The following DAP variants were observed in gnomAD, a reference collection of about 807,000 sequenced individuals.
DAP encodes death associated protein, also known as death-associated protein 1.
A neutral mutation model predicts 13.8 loss-of-function variants in DAP; 8 were observed. The ratio of observed to expected loss-of-function variants is 0.58; its 90% confidence interval spans 0.34 to 1.05. The LOEUF is 1.05. Ranked by LOEUF, DAP falls within the 50% of genes least tolerant of loss-of-function variation. DAP has a pLI of 0.03. For missense variants in DAP, 106 were observed against 133.2 expected (o/e 0.80, Z 1.01); for synonymous variants, 47 against 47.5 (o/e 0.99, Z 0.04).
In DAP at chr5:10,689,322, C is replaced by T. The variant is rs575240567; in HGVS notation, c.153-5751G>A. ...CTGTCCCATCGCAACTGCTGAATGGCCATGGAGACCCTGGGGGCTAAAGGA... is the reference window on the plus strand; with the variant it reads ...CTGTCCCATCGCAACTGCTGAATGGTCATGGAGACCCTGGGGGCTAAAGGA... On this transcript the variant is annotated intron_variant, in intron 2 of 3. Transcript: ENST00000230895. Among the ~76,000 whole-genome samples the T allele has an allele frequency of 2.0e-4, 30 of 152,230 alleles. 1 individual carries two copies. In the South Asian group the frequency reaches 5.0e-3, roughly 25 times the overall value.
intron 2 of DAP, among the ~76,000 whole-genome samples, chr5:10,696,276 C>A (rs1477941791): frequency 6.6e-6 from 1 of 152,170 alleles, no homozygotes; most frequent in Non-Finnish European, 1.5e-5. Flanking sequence ...ACAGAAGCGA[C>A]CACATCTGAG....
chr5:10,758,885 C>A (rs1320526974), intron 1 of DAP, among the ~76,000 whole-genome samples: 1 of 152,198 alleles, frequency 6.6e-6, no homozygotes, highest in African/African-American at 2.4e-5. Context: ...GAATTTCTCC[C>A]AGGGAGTGAG....
At chr5:10,694,464 C>A (rs1033279847) in intron 2 of DAP, among the ~76,000 whole-genome samples, 3 of 152,074 alleles carry the variant, frequency 2.0e-5, no homozygotes, top group Middle Eastern at 3.2e-3. Flanking sequence ...AACACAGTTT[C>A]CAAATTTGCT....
intron 1 of DAP, among the ~76,000 whole-genome samples, chr5:10,758,189 T>C (rs561326050): frequency 1.1e-4 from 17 of 151,998 alleles, no homozygotes; most frequent in African/African-American, 4.1e-4. Flanking sequence ...TGATTATCCT[T>C]TAGTGTAGTG....
At chr5:10,696,243 G>C (rs1360991387) in intron 2 of DAP, among the ~76,000 whole-genome samples, 1 of 152,200 alleles carries the variant, frequency 6.6e-6, no homozygotes, top group African/African-American at 2.4e-5. Flanking sequence ...GGGCCACTGA[G>C]AGTCTCAAAA....
At chr5:10,713,480 A>G (rs1361844242) in intron 2 of DAP, among the ~76,000 whole-genome samples, 1 of 152,224 alleles carries the variant, frequency 6.6e-6, no homozygotes, top group Admixed American at 6.5e-5. Flanking sequence ...ACCAACAGCC[A>G]TTCATAACGT....
chr5:10,733,367 C>T (rs1046129175), intron 2 of DAP, among the ~76,000 whole-genome samples: 3 of 152,046 alleles, frequency 2.0e-5, no homozygotes, highest in Admixed American at 6.5e-5. Context: ...CAGAAGAGGA[C>T]GAGGGCTAAT....
At chr5:10,747,937 G>A in intron 2 of DAP, 3 of 418,866 alleles carry the variant, frequency 7.2e-6, no homozygotes, top group South Asian at 2.5e-5. Flanking sequence ...TGGGTGTGGG[G>A]TGGGGAACAG....
At chr5:10,722,808 C>T (rs993470554) in intron 2 of DAP, among the ~76,000 whole-genome samples, 1 of 152,104 alleles carries the variant, frequency 6.6e-6, no homozygotes, top group Non-Finnish European at 1.5e-5. Flanking sequence ...ACACCCACCA[C>T]CCAACGACTG....
chr5:10,702,696 G>A (rs1362621518), intron 2 of DAP, among the ~76,000 whole-genome samples: 1 of 152,186 alleles, frequency 6.6e-6, no homozygotes, highest in Non-Finnish European at 1.5e-5. Flanking sequence ...CCACATTCAC[G>A]AGCCTGAATT....
intron 2 of DAP, among the ~76,000 whole-genome samples, chr5:10,735,143 G>A (rs1226769996): frequency 6.7e-6 from 1 of 150,264 alleles, no homozygotes; most frequent in Admixed American, 6.7e-5. Context: ...GTGAATTTAA[G>A]CTAACTTTTA....
intron 2 of DAP, among the ~76,000 whole-genome samples, chr5:10,740,182 T>C (rs1355059140): frequency 1.3e-5 from 2 of 152,178 alleles, no homozygotes; most frequent in Non-Finnish European, 2.9e-5. Context: ...ACTGGACTTA[T>C]TGCCACACTG....
intron 2 of DAP, among the ~76,000 whole-genome samples, chr5:10,725,563 T>C (rs1381516593): frequency 6.6e-6 from 1 of 152,174 alleles, no homozygotes; most frequent in Non-Finnish European, 1.5e-5. Context: ...GAGTTGACAA[T>C]TGGGGTAGAA....
chr5:10,729,123 CAA>C (rs1302222279), intron 2 of DAP, among the ~76,000 whole-genome samples: 1 of 152,188 alleles, frequency 6.6e-6, no homozygotes, highest in Non-Finnish European at 1.5e-5. Flanking sequence ...CCTTTTCCCA[CAA>C]AGAGTGTAGG....
At chr5:10,703,893 C>T (rs575807470) in intron 2 of DAP, among the ~76,000 whole-genome samples, 1 of 152,248 alleles carries the variant, frequency 6.6e-6, no homozygotes, top group African/African-American at 2.4e-5. Flanking sequence ...GGGGGCCAGG[C>T]ACTGGCTTGT....
chr5:10,683,568 T>A lies in DAP; in HGVS notation c.156A>T (p.Pro52=). The change falls in exon 3 of 4, where the codon CCA becomes CCT. Residue 52 remains proline, a synonymous_variant. Coordinates refer to ENST00000230895, the MANE Select transcript of DAP (RefSeq NM_004394.3). ...KDDQEWESPS[P]PKPTVFISGV... is the part of the protein sequence containing the mutation. Reference sequence around the variant, plus strand: ...CAGAGATGAACACAGTGGGTTTAGGTGGACTGGAAAAAAAGAAGGGAAAAG... The same window carrying A: ...CAGAGATGAACACAGTGGGTTTAGGAGGACTGGAAAAAAAGAAGGGAAAAG... 6.2e-7 allele frequency: 1 copy of A among 1,612,254 alleles called. No homozygotes were observed. Among genetic ancestry groups the A allele is most frequent in the Admixed American group, 1.7e-5 (1 of 59,860 alleles).
chr5:10,712,737 A>G (rs1448310658), intron 2 of DAP, among the ~76,000 whole-genome samples: 1 of 152,240 alleles, frequency 6.6e-6, no homozygotes, highest in Non-Finnish European at 1.5e-5. Flanking sequence ...GGGTCTACAC[A>G]TTAGCCTTGA....
intron 2 of DAP, among the ~76,000 whole-genome samples, chr5:10,733,437 G>T (rs1739524035): frequency 6.6e-6 from 1 of 152,124 alleles, no homozygotes; most frequent in Non-Finnish European, 1.5e-5. Context: ...TTGGTATCTA[G>T]ATCCTTCTGG....
At chr5:10,757,016 C>A (rs1740204240) in intron 1 of DAP, among the ~76,000 whole-genome samples, 1 of 152,240 alleles carries the variant, frequency 6.6e-6, no homozygotes, top group African/African-American at 2.4e-5. Flanking sequence ...CAGACGACAG[C>A]ACATTTGCCA....
Sources: allele counts gnomAD v4.1 joint callset (sites outside exome capture counted in the v4.1 genomes callset), GRCh38; gene constraint gnomAD v4.1.1; transcripts MANE v1.5; gene names NCBI Gene and HGNC (gene_info 2026-07-23, HGNC 2026-07-21).